B4GALT6: variants seen among roughly 807,000 people sequenced by gnomAD.
B4GALT6 encodes UDP-Gal:beta-GlcNAc beta-1,4-galactosyltransferase 6.
In B4GALT6, 14 loss-of-function variants were observed where a neutral mutation model predicts 46.3. The observed-to-expected ratio is 0.30, with a 90% CI of 0.20 to 0.47. The LOEUF (loss-of-function observed/expected upper bound fraction) is 0.47. Among genes scored for constraint, B4GALT6 ranks in the 20% least tolerant of loss-of-function variants. B4GALT6 has a pLI of 0.99. For missense variants in B4GALT6, 386 were observed against 480.1 expected (o/e 0.80, Z 1.83); for synonymous variants, 168 against 162.0 (o/e 1.04, Z -0.28).
chr18:31,644,399 C>A (rs2073966245), intron 4 of B4GALT6, among the ~76,000 whole-genome samples: 2 of 151,942 alleles, frequency 1.3e-5, no homozygotes, highest in Non-Finnish European at 2.9e-5. Context: ...GGGTCTTTTT[C>A]ATGAGTTTAA....
intron 2 of B4GALT6, among the ~76,000 whole-genome samples, chr18:31,665,515 G>A (rs535979190): frequency 3.3e-5 from 5 of 152,106 alleles, no homozygotes; most frequent in Non-Finnish European, 7.3e-5. Context: ...TGAAGCGGGC[G>A]TATCACGAGG....
chr18:31,630,779 C>G (rs981987728), intron 6 of B4GALT6, among the ~76,000 whole-genome samples, 180 bp downstream of exon 6: 16 of 152,144 alleles, frequency 1.1e-4, no homozygotes, highest in Non-Finnish European at 1.3e-4. Context: ...TAAGGAAGCA[C>G]CCAGGGGAAC....
chr18:31,681,581 T>C (rs368737637), intron 1 of B4GALT6, among the ~76,000 whole-genome samples: 5 of 152,202 alleles, frequency 3.3e-5, no homozygotes, highest in Admixed American at 6.5e-5. Flanking sequence ...AGTCCAGAAA[T>C]AGACTATTTC....
rs1290544325 is a variant in B4GALT6, at chr18:31,650,387, C to T, written c.347-4908G>A. ...GGGTCCTGCCTTTCAAAGGAAAAAGCTAGAACCCACTCTCCAAACCCCTCT... is the reference window on the plus strand; with the variant it reads ...GGGTCCTGCCTTTCAAAGGAAAAAGTTAGAACCCACTCTCCAAACCCCTCT... On this transcript the variant is annotated intron_variant, in intron 3 of 8. Transcript: ENST00000306851. Among the ~76,000 whole-genome samples, 5 of 152,314 alleles carry T rather than the reference C, an allele frequency of 3.3e-5. No homozygotes were observed. The East Asian group carries it at 9.6e-4, about 29-fold the overall frequency.
At chr18:31,714,184 C>A in the B4GALT6 span, among the ~76,000 whole-genome samples, 1 of 152,202 alleles carries the variant, frequency 6.6e-6, no homozygotes, top group Admixed American at 6.5e-5. Flanking sequence ...GCACTAGCCA[C>A]ATTTCTGGTG....
At chr18:31,670,139 C>T (rs1304830843) in intron 1 of B4GALT6, among the ~76,000 whole-genome samples, 1 of 151,928 alleles carries the variant, frequency 6.6e-6, no homozygotes, top group African/African-American at 2.4e-5. Flanking sequence ...CCGTAACCTC[C>T]ACCTCCTGGG....
At chr18:31,710,738 A>G in the B4GALT6 span, among the ~76,000 whole-genome samples, 1 of 151,996 alleles carries the variant, frequency 6.6e-6, no homozygotes, top group Non-Finnish European at 1.5e-5. Flanking sequence ...TTGCCCTGGC[A>G]GCCCCAGAAA....
chr18:31,649,786 G>A (rs1718594360), intron 3 of B4GALT6, among the ~76,000 whole-genome samples: 1 of 152,168 alleles, frequency 6.6e-6, no homozygotes, highest in Non-Finnish European at 1.5e-5. Flanking sequence ...GGAAGAAAAG[G>A]AGATGCTTAT....
intron 1 of B4GALT6, among the ~76,000 whole-genome samples, chr18:31,671,907 A>T (rs1413530956): frequency 6.6e-6 from 1 of 152,230 alleles, no homozygotes; most frequent in African/African-American, 2.4e-5. Context: ...ATCAGAAAAA[A>T]ATTTAAAAAA....
At chr18:31,644,612 C>T (rs893693428) in intron 4 of B4GALT6, among the ~76,000 whole-genome samples, 5 of 152,154 alleles carry the variant, frequency 3.3e-5, no homozygotes, top group Admixed American at 2.6e-4. Context: ...CTTACTCAAA[C>T]GTAGTAACAT....
the B4GALT6 span, among the ~76,000 whole-genome samples, chr18:31,691,292 C>CATATATAT: frequency 1.0e-4 from 12 of 117,414 alleles, no homozygotes; most frequent in Non-Finnish European, 9.8e-5. Flanking sequence ...CATAATTTTA[C>CATATATAT]ATATATATAT....
At chr18:31,717,466 G>T in the B4GALT6 span, among the ~76,000 whole-genome samples, 1 of 151,956 alleles carries the variant, frequency 6.6e-6, no homozygotes, top group Non-Finnish European at 1.5e-5. Flanking sequence ...TTATCAAATT[G>T]CATTTTCTGC....
chr18:31,625,594 T>C lies in B4GALT6; in HGVS notation c.*20A>G. On this transcript the variant is annotated 3_prime_UTR_variant, in exon 9 of 9. Transcript: ENST00000306851. The stretch of plus-strand genomic sequence containing the variant: ...TATGATCCAGCATTGTGGTCTACCT[T>C]GCCACGACAGCCACTTCTTTTAATA... 6.2e-7 allele frequency: 1 copy of C among 1,613,432 alleles called. No individual in the cohort carries two copies. Among genetic ancestry groups the C allele is most frequent in the Non-Finnish European group, 8.5e-7 (1 of 1,179,758 alleles).
chr18:31,671,535 T>C (rs2074357701), intron 1 of B4GALT6, among the ~76,000 whole-genome samples: 1 of 152,236 alleles, frequency 6.6e-6, no homozygotes, highest in African/African-American at 2.4e-5. Flanking sequence ...GTTGGCTGCA[T>C]AAATATCTTC....
At chr18:31,712,874 T>C in the B4GALT6 span, among the ~76,000 whole-genome samples, 2 of 152,222 alleles carry the variant, frequency 1.3e-5, no homozygotes, top group Non-Finnish European at 2.9e-5. Context: ...CATTTTTGCA[T>C]GGTTTATTAG....
upstream of B4GALT6, among the ~76,000 whole-genome samples, chr18:31,685,004 C>G (rs1356324296): frequency 6.8e-6 from 1 of 146,466 alleles, no homozygotes; most frequent in Non-Finnish European, 1.5e-5. Flanking sequence ...GGGGCCGCAA[C>G]CAGCGCGCGC....
At chr18:31,657,703 C>T (rs1299321660) in intron 3 of B4GALT6, among the ~76,000 whole-genome samples, 3 of 151,996 alleles carry the variant, frequency 2.0e-5, no homozygotes, top group African/African-American at 4.8e-5. Context: ...ATAGGTAAGC[C>T]GAAGTATTAG....
chr18:31,648,143 G>C (rs1439409547), intron 3 of B4GALT6, among the ~76,000 whole-genome samples: 1 of 152,156 alleles, frequency 6.6e-6, no homozygotes, highest in East Asian at 1.9e-4. Context: ...ACTCCATGGA[G>C]AGCCAATCTT....
At chr18:31,702,877 G>A in the B4GALT6 span, among the ~76,000 whole-genome samples, 1 of 152,186 alleles carries the variant, frequency 6.6e-6, no homozygotes, top group South Asian at 2.1e-4. Context: ...ATATGGAGGG[G>A]AAATGGGAGG....
Sources: allele counts gnomAD v4.1 joint callset (sites outside exome capture counted in the v4.1 genomes callset), GRCh38; gene constraint gnomAD v4.1.1; transcripts MANE v1.5; gene names NCBI Gene and HGNC (gene_info 2026-07-23, HGNC 2026-07-21).